MFN2: variants seen among roughly 807,000 people sequenced by gnomAD.
MFN2 encodes mitofusin 2, also known as mitofusin-2.
A neutral mutation model predicts 87.5 loss-of-function variants in MFN2; 43 were observed. The ratio of observed to expected loss-of-function variants is 0.49; its 90% confidence interval spans 0.38 to 0.63. The LOEUF (loss-of-function observed/expected upper bound fraction) is 0.63. MFN2 is among the 30% of genes least tolerant of loss of function. The pLI is 0.00. For synonymous variants in MFN2, 337 were observed against 359.9 expected (o/e 0.94, Z 0.72); for missense variants, 743 against 972.8 (o/e 0.76, Z 3.14).
chr1:12,006,517 C>G (rs759573522), intron 15 of MFN2, 21 bp from the exon 16 acceptor site: 1 of 1,613,808 alleles, frequency 6.2e-7, no homozygotes, highest in East Asian at 2.2e-5. Context: ...CCCCTCACCC[C>G]TCTCATGTTT....
chr1:11,997,876 C>T (rs996399257), intron 6 of MFN2, among the ~76,000 whole-genome samples: 1 of 125,900 alleles, frequency 7.9e-6, no homozygotes, highest in Non-Finnish European at 1.7e-5. Context: ...AATTGTATAT[C>T]ATCTTTTTTT....
At chr1:12,006,360 G>A (rs1224511588) in intron 15 of MFN2, among the ~76,000 whole-genome samples, 178 bp from the exon 16 acceptor site, 1 of 152,152 alleles carries the variant, frequency 6.6e-6, no homozygotes, top group Non-Finnish European at 1.5e-5. Flanking sequence ...TGCACGTCCC[G>A]TGGTGCTCAC....
intron 2 of MFN2, among the ~76,000 whole-genome samples, chr1:11,988,123 G>C (rs1638506703): frequency 7.1e-6 from 1 of 141,540 alleles, no homozygotes; most frequent in Non-Finnish European, 1.5e-5. Flanking sequence ...TCTTTGTTGA[G>C]ACTTGGTCTG....
At chr1:11,986,567 C>G (rs543305471) in intron 2 of MFN2, among the ~76,000 whole-genome samples, 44 of 151,122 alleles carry the variant, frequency 2.9e-4, no homozygotes, top group African/African-American at 8.0e-4. Flanking sequence ...GGCACTCCTT[C>G]TGGTGTGTAC....
At chr1:11,989,658 G>A (rs538209898) in intron 3 of MFN2, among the ~76,000 whole-genome samples, 12 of 152,328 alleles carry the variant, frequency 7.9e-5, no homozygotes, top group South Asian at 6.2e-4. Context: ...TACCTTGTAA[G>A]TAATAGATCA....
Position 11,992,652 on chromosome 1 carries a change from G to A in MFN2, c.273G>A (p.Val91=). The A allele has an allele frequency of 6.2e-7, 1 of 1,614,222 alleles. No individual in the cohort carries two copies. Among genetic ancestry groups the A allele is most frequent in the Non-Finnish European group, 8.5e-7 (1 of 1,180,036 alleles). ...CCAAAGTGAGAGGCATCAGTGAGGT[G>A]CTGGCTCGGAGGCACATGAAAGTGG... ...YLSKVRGISE[V]LARRHMKVAF... The change falls in exon 4 of 19, where the codon GTG becomes GTA. Residue 91 remains valine, a synonymous_variant. Coordinates refer to ENST00000235329, the MANE Select transcript of MFN2 (RefSeq NM_014874.4).
At chr1:11,986,467 CT>C (rs1638409905) in intron 2 of MFN2, among the ~76,000 whole-genome samples, 1 of 152,100 alleles carries the variant, frequency 6.6e-6, no homozygotes, top group South Asian at 2.1e-4. Context: ...TTGGTGGGCT[CT>C]GCTCAAGAAG....
intron 4 of MFN2, 137 bp downstream of exon 4, chr1:11,992,827 AT>A: frequency 8.6e-7 from 1 of 1,160,226 alleles, no homozygotes; most frequent in South Asian, 1.5e-5. Flanking sequence ...TATTTTATTT[AT>A]TTATTTGATT....
At chr1:11,980,969 A>C (rs894640312) in intron 1 of MFN2, among the ~76,000 whole-genome samples, 6 of 152,194 alleles carry the variant, frequency 3.9e-5, no homozygotes, top group African/African-American at 1.4e-4. Flanking sequence ...CGCCTGACAC[A>C]CACAGAGAAG....
chr1:11,991,577 G>A (rs1638676597), intron 3 of MFN2, among the ~76,000 whole-genome samples: 1 of 152,144 alleles, frequency 6.6e-6, no homozygotes, highest in Admixed American at 6.5e-5. Flanking sequence ...GAGGGAGACC[G>A]TGAGGCAGCG....
At position 12,005,909 on chromosome 1, in the gene MFN2, C is replaced by G; in HGVS notation, c.1694C>G (p.Ala565Gly). The G allele has an allele frequency of 6.2e-7, 1 of 1,613,770 alleles. No individual in the cohort carries two copies. Among genetic ancestry groups the G allele is most frequent in the Non-Finnish European group, 8.5e-7 (1 of 1,180,016 alleles). ...RFLGPKNSRR[A>G]LMGYNDQVQR... Reference sequence around the variant, plus strand: ...CTGGGCCCCAAGAACAGCCGTCGGGCCTTGATGGGCTACAATGACCAGGCA... The same window carrying G: ...CTGGGCCCCAAGAACAGCCGTCGGGGCTTGATGGGCTACAATGACCAGGCA... Residue 565 changes from alanine to glycine, a missense_variant, in exon 15 of 19, where the codon GCC becomes GGC. Physicochemically the swap from Ala to Gly is moderately conservative, Grantham distance 60. Around this residue, in one of 3 missense-constraint regions of MFN2, gnomAD observed 571 missense variants for 670.7 expected, o/e 0.85. Transcript: ENST00000235329.
Position 11,986,295 on chromosome 1 carries a change from A to C in MFN2, c.-4-2870A>C, listed in dbSNP as rs557726312. On this transcript the variant is annotated intron_variant, in intron 2 of 18. Transcript: ENST00000235329. ...AGTTTTTCACGTGTGCTTGCTGGGG[A>C]GCAACACCTCATTTCCAATCTAGAG... Among the ~76,000 whole-genome samples, 116 of 152,196 alleles carry C rather than the reference A, an allele frequency of 7.6e-4. 1 individual carries two copies. The highest frequency in any genetic ancestry group is 2.6e-3 in the African/African-American group (107 of 41,508).
intron 3 of MFN2, among the ~76,000 whole-genome samples, chr1:11,990,232 G>T (rs551692531): frequency 6.6e-5 from 10 of 152,340 alleles, no homozygotes; most frequent in South Asian, 6.2e-4. Flanking sequence ...GCTACACGAG[G>T]CTCCCTTTGA....
chr1:12,001,641 C>T (rs964032645), intron 9 of MFN2, 87 bp downstream of exon 9: 50 of 1,605,402 alleles, frequency 3.1e-5, no homozygotes, highest in Non-Finnish European at 4.3e-5. Context: ...GAAAATCCTT[C>T]TGAGAAGGGG....
intron 8 of MFN2, among the ~76,000 whole-genome samples, chr1:12,001,004 G>A (rs1464874854): frequency 3.3e-5 from 5 of 152,156 alleles, no homozygotes; most frequent in African/African-American, 1.2e-4. Flanking sequence ...TTTGGCTGTT[G>A]AGCCATGTGA....
rs780357351 is a variant in MFN2 at position 11,980,481 on chromosome 1, G to A, written c.-153G>A. The A allele has an allele frequency of 2.0e-5, 8 of 398,242 alleles. No individual in the cohort carries two copies. The highest frequency in any genetic ancestry group is 2.7e-5 in the Non-Finnish European group (6 of 225,878). The allele number at this position is 398,242 out of a possible 1,614,324, so 24.7% of individuals were successfully genotyped here. ...ATGGCCGCCGCGAGGCCGGGAAGGT[G>A]AAGGTGAGAGGGCGAGCAAGCCGGG... On this transcript the variant is annotated 5_prime_UTR_variant, in exon 1 of 19. An upstream open reading frame in the 5' UTR loses its in-frame stop. Coordinates refer to ENST00000235329, the MANE Select transcript of MFN2 (RefSeq NM_014874.4).
chr1:11,997,319 C>T lies in MFN2; in HGVS notation c.497C>T (p.Ala166Val), dbSNP rs1557522849. The part of the protein sequence containing the change: ...SAKTVNQLAH[A>V]LHQDKQLHAG... The stretch of plus-strand genomic sequence containing the variant: ...CAGACTGTGAACCAGCTGGCCCATG[C>T]CCTCCACCAGGACAAGCAGCTCCAT... The change falls in exon 6 of 19, where the codon GCC becomes GTC. Residue 166 changes from alanine (A) to valine (V), a missense_variant. By Grantham distance (64) the Ala-to-Val change is moderately conservative. This residue lies in a region of MFN2 where 141 missense variants were observed against 278.9 expected (regional missense o/e 0.51). Transcript: ENST00000235329. 6.2e-7 allele frequency: 1 copy of T among 1,614,154 alleles called. No homozygotes were observed. The highest frequency in any genetic ancestry group is 8.5e-7 in the Non-Finnish European group (1 of 1,180,022).
At chr1:11,998,033 G>A (rs1407862940) in intron 6 of MFN2, among the ~76,000 whole-genome samples, 17 of 150,836 alleles carry the variant, frequency 1.1e-4, no homozygotes, top group South Asian at 4.2e-4. Context: ...ACAGGTGCCC[G>A]CCACCATGCC....
At chr1:11,993,846 A>T (rs1173350134) in intron 4 of MFN2, among the ~76,000 whole-genome samples, 1 of 151,868 alleles carries the variant, frequency 6.6e-6, no homozygotes. Context: ...TTACTTTTAC[A>T]TTTGTTCTTA....
Sources: gnomAD v4.1 joint callset for allele counts (sites outside exome capture counted in the v4.1 genomes callset) on GRCh38, gnomAD v4.1.1 for gene constraint, gnomAD v4.1.1 regional missense constraint, MANE v1.5 for transcripts, NCBI Gene and HGNC (gene_info 2026-07-23, HGNC 2026-07-21) for gene names.